The following MBTPS1 variants were observed in gnomAD, a reference collection of about 807,000 sequenced individuals.
MBTPS1 encodes membrane bound transcription factor peptidase, site 1, also known as membrane-bound transcription factor site-1 protease.
Under a neutral mutation model 127.8 loss-of-function variants are expected in MBTPS1, and 94 were observed. The observed-to-expected ratio is 0.74, with a 90% CI of 0.62 to 0.87. The LOEUF is 0.87. Among genes scored for constraint, MBTPS1 ranks in the 40% least tolerant of loss-of-function variants. The probability of loss-of-function intolerance (pLI) is 0.00; values close to 1 mark genes in which losing one functional copy is unlikely to be tolerated. For missense variants in MBTPS1, 1,636 were observed against 1,353.2 expected, an observed-to-expected ratio of 1.21 and a Z score of -3.28; for synonymous variants, 632 against 509.4, an observed-to-expected ratio of 1.24 and a Z score of -3.24.
chr16:84,106,556 G>A lies in MBTPS1; in HGVS notation c.-324-4449C>T, dbSNP rs867235065. Among the ~76,000 whole-genome samples, 15 of 152,270 alleles carry A rather than the reference G, an allele frequency of 9.9e-5. No individual in the cohort carries two copies. The South Asian group carries it at 1.0e-3, about 11-fold the overall frequency. On this transcript the variant is annotated intron_variant, in intron 1 of 22. Transcript: ENST00000343411. Reference sequence around the variant, plus strand: ...AGGAAAGAAAGGCAAAGAGGCCAGCGGGAAGCAAGGGAAAGCCAAAGATGA... The same window carrying A: ...AGGAAAGAAAGGCAAAGAGGCCAGCAGGAAGCAAGGGAAAGCCAAAGATGA...
intron 11 of MBTPS1, chr16:84,075,382 A>G (rs1278917752): frequency 6.7e-6 from 1 of 148,278 alleles, no homozygotes. Context: ...TGCTCTGGCA[A>G]TTATGTTGGT....
chr16:84,070,162 C>T, intron 13 of MBTPS1, 124 bp from the exon 14 acceptor site: 1 of 790,582 alleles, frequency 1.3e-6, no homozygotes, highest in Non-Finnish European at 2.0e-6. Flanking sequence ...TTTCCAATAA[C>T]AAATGTCTGA....
In MBTPS1 at chr16:84,105,846, C is replaced by A. The variant is rs115623895; in HGVS notation, c.-324-3739G>T. Among the ~76,000 whole-genome samples the A allele has an allele frequency of 9.0e-3, 1,372 of 152,254 alleles. 23 individuals are homozygous for A. Among genetic ancestry groups the A allele is most frequent in the African/African-American group, 0.031 (1,280 of 41,534 alleles). ...CATCTAGTGAGAAACTACTAAAAGC[C>A]AGGCACTGTTCTAGGAGTAGGGATA... On this transcript the variant is annotated intron_variant, in intron 1 of 22. Transcript: ENST00000343411.
At chr16:84,055,099 G>A (rs758189259) in intron 22 of MBTPS1, among the ~76,000 whole-genome samples, 14 of 152,206 alleles carry the variant, frequency 9.2e-5, no homozygotes, top group East Asian at 1.9e-4. Context: ...GCAGTGCCCC[G>A]CCTCTGGGAA....
Position 84,069,988 on chromosome 16 carries a change from C to T in MBTPS1, c.1833G>A (p.Val611=), listed in dbSNP as rs765147186. 3.7e-6 allele frequency: 6 copies of T among 1,613,990 alleles called. No individual in the cohort carries two copies. Among genetic ancestry groups the T allele is most frequent in the Middle Eastern group, 3.3e-4 (2 of 6,082 alleles). Residue 611 remains valine (V), a synonymous_variant, in exon 14 of 23, where the codon GTG becomes GTA. Coordinates refer to ENST00000343411, the MANE Select transcript of MBTPS1 (RefSeq NM_003791.4). ...QTSTVKLPIK[V]KIIPTPPRSK... ...TTCGCGGGGGAGTAGGAATTATCTT[C>T]ACCTTAATGGGGAGCTTTACTGTTG...
intron 14 of MBTPS1, among the ~76,000 whole-genome samples, chr16:84,068,798 T>C (rs944869018): frequency 6.6e-6 from 1 of 152,228 alleles, no homozygotes; most frequent in Non-Finnish European, 1.5e-5. Flanking sequence ...CAGAAGAGCT[T>C]AGCAAATAGC....
At position 84,084,130 on chromosome 16, in the gene MBTPS1, G is replaced by A. The variant is rs562260499; in HGVS notation, c.1286+853C>T. ...GCCCACCACCACACCTGGCTAACTT[G>A]TAATTTTTAGTAGAGACAGGGTTTC... On this transcript the variant is annotated intron_variant, in intron 10 of 22. Transcript: ENST00000343411. Among the ~76,000 whole-genome samples the A allele has an allele frequency of 3.3e-5, 5 of 152,246 alleles. No individual in the cohort carries two copies. In the South Asian group the frequency reaches 1.0e-3, roughly 32 times the overall value.
rs371883484 is a variant in MBTPS1 at position 84,055,684 on chromosome 16, T to C, written c.2962+321A>G. On this transcript the variant is annotated intron_variant, in intron 22 of 22. Transcript: ENST00000343411. ...ACAGGCATCCTGTAAGGGACGTTAA[T>C]AGGTGGCTGGCAGAACTTTCATAAA... Among the ~76,000 whole-genome samples the C allele has an allele frequency of 1.3e-3, 192 of 152,276 alleles. 1 individual carries two copies. Among genetic ancestry groups the C allele is most frequent in the African/African-American group, 4.4e-3 (182 of 41,550 alleles).
intron 1 of MBTPS1, among the ~76,000 whole-genome samples, chr16:84,105,728 C>A (rs368602117): frequency 9.1e-4 from 139 of 152,240 alleles, no homozygotes; most frequent in African/African-American, 3.3e-3. Context: ...GCCGGAAATA[C>A]GGACCTCTTC....
chr16:84,081,145 G>C (rs938508555), intron 11 of MBTPS1, among the ~76,000 whole-genome samples: 3 of 152,212 alleles, frequency 2.0e-5, no homozygotes, highest in Non-Finnish European at 4.4e-5. Flanking sequence ...CTCATACTGA[G>C]GTTATGGAAG....
chr16:84,090,515 C>T (rs2086089293), intron 8 of MBTPS1, among the ~76,000 whole-genome samples: 1 of 152,180 alleles, frequency 6.6e-6, no homozygotes, highest in Non-Finnish European at 1.5e-5. Context: ...ATGCTTTGCA[C>T]ACAGATCTCA....
Position 84,115,339 on chromosome 16 carries a change from G to C in MBTPS1, c.-325+1396C>G, listed in dbSNP as rs138754101. On this transcript the variant is annotated intron_variant, in intron 1 of 22. Transcript: ENST00000343411. ...GAATTTTCCCTTTTTATATAGAAAG[G>C]ACCAACTCTTGATTATACGGGGTGC... 2.6e-3 allele frequency among the ~76,000 whole-genome samples: 403 copies of C among 152,234 alleles called. 1 individual carries two copies. The highest frequency in any genetic ancestry group is 9.4e-3 in the African/African-American group (389 of 41,532).
chr16:84,093,351 G>A, intron 5 of MBTPS1, 54 bp from the exon 6 acceptor site: 1 of 1,193,564 alleles, frequency 8.4e-7, no homozygotes, highest in South Asian at 1.2e-5. Context: ...GCAAGTGCCA[G>A]GACGCAACAT....
chr16:84,066,951 A>G (rs1211662628), intron 16 of MBTPS1, among the ~76,000 whole-genome samples: 1 of 152,220 alleles, frequency 6.6e-6, no homozygotes, highest in Non-Finnish European at 1.5e-5. Flanking sequence ...CACAGATTCT[A>G]AAGAAACCGA....
At chr16:84,101,268 C>A (rs868330931) in intron 2 of MBTPS1, among the ~76,000 whole-genome samples, 5 of 152,164 alleles carry the variant, frequency 3.3e-5, no homozygotes, top group Middle Eastern at 3.4e-3. Context: ...CCATTGCACT[C>A]CAGCCTCAGC....
Position 84,074,748 on chromosome 16 carries a change from T to A in MBTPS1, c.1449-7A>T, listed in dbSNP as rs575323212. ...TATGTAGCTGGGGCTCAAACTGAAA[T>A]AAAGAATACAGTGTTAGAGTAGATC... On this transcript the variant is annotated splice_polypyrimidine_tract_variant and splice_region_variant and intron_variant, in intron 11 of 22. Transcript: ENST00000343411. The A allele has an allele frequency of 7.4e-5, 120 of 1,612,234 alleles. 1 individual carries two copies. In the South Asian group the frequency reaches 1.1e-3, roughly 15 times the overall value.
rs144488052 is a variant in MBTPS1, at chr16:84,072,325, G to A, written c.1594-1549C>T. Among the ~76,000 whole-genome samples, 504 of 152,204 alleles carry A rather than the reference G, an allele frequency of 3.3e-3. 5 individuals are homozygous for A. Among genetic ancestry groups the A allele is most frequent in the Middle Eastern group, 0.014 (4 of 294 alleles). ...CAAGGGCTGGTGGAAGGAAGAAGGAGTGGCTGATAATGGGTATAAGGTTTC... is the reference window on the plus strand; with the variant it reads ...CAAGGGCTGGTGGAAGGAAGAAGGAATGGCTGATAATGGGTATAAGGTTTC... On this transcript the variant is annotated intron_variant, in intron 12 of 22. Transcript: ENST00000343411.
rs796101429 is a variant in MBTPS1 at position 84,078,686 on chromosome 16, T to C, written c.1448+3061A>G. ...TGTAGACAAGTAGTGGCTTAAACGATTGTACATTCACAGGATACGGCTGTG... is the reference window on the plus strand; with the variant it reads ...TGTAGACAAGTAGTGGCTTAAACGACTGTACATTCACAGGATACGGCTGTG... On this transcript the variant is annotated intron_variant, in intron 11 of 22. Transcript: ENST00000343411. Among the ~76,000 whole-genome samples the C allele has an allele frequency of 8.5e-5, 13 of 152,272 alleles. 1 individual carries two copies. The highest frequency in any genetic ancestry group is 2.9e-4 in the African/African-American group (12 of 41,542).
Position 84,066,573 on chromosome 16 carries a change from C to A in MBTPS1, c.2269G>T (p.Ala757Ser), listed in dbSNP as rs1364182520. Residue 757 changes from alanine (A) to serine (S), a missense_variant, in exon 17 of 23, where the codon GCT (alanine) becomes TCT (serine). Transcript: ENST00000343411. ...CACACAGACAGCAGCTCATTCAGAG[C>A]TGGGATGTTAGCTCCTCCGGTATCC... ...MPDTGGANIP[A>S]LNELLSVWNM... 2.5e-6 allele frequency: 4 copies of A among 1,614,158 alleles called. No individual in the cohort carries two copies. In the Admixed American group the frequency reaches 5.0e-5, roughly 20 times the overall value.
Sources: gnomAD v4.1 joint callset for allele counts (sites outside exome capture counted in the v4.1 genomes callset) on GRCh38, gnomAD v4.1.1 for gene constraint, MANE v1.5 for transcripts, NCBI Gene and HGNC (gene_info 2026-07-23, HGNC 2026-07-21) for gene names.